The following FSCN1 variants were observed in gnomAD, a reference collection of about 807,000 sequenced individuals.
FSCN1 encodes fascin.
FSCN1 carries 10 observed loss-of-function variants against 39.7 expected under a neutral mutation model. The ratio of observed to expected loss-of-function variants is 0.25; its 90% CI spans 0.16 to 0.43. The LOEUF (loss-of-function observed/expected upper bound fraction) is 0.43, where lower values mean the gene tolerates loss of function less well. Among genes scored for constraint, FSCN1 ranks in the 20% least tolerant of loss-of-function variants. The pLI is 1.00. For missense variants in FSCN1, 525 were observed against 723.8 expected, an observed-to-expected ratio of 0.73 and a Z score of 3.15; for synonymous variants, 322 against 320.0, an observed-to-expected ratio of 1.01 and a Z score of -0.07.
In FSCN1 at chr7:5,603,671, G is replaced by T. The variant is rs1198074738; in HGVS notation, c.1111+54G>T. On this transcript the variant is annotated intron_variant, in intron 3 of 4. Coordinates refer to ENST00000382361, the MANE Select transcript of FSCN1 (RefSeq NM_003088.4). This position sits in a 1 kb window ranked among gnomAD's most constrained non-coding sequence, Gnocchi z 8.5. The stretch of plus-strand genomic sequence containing the variant: ...CCGTCCTGGAGTCCTGGAGGGTCTG[G>T]CCATGCCGTGGTCACTTGGTAGCCC... 12 of 1,610,298 alleles carry T rather than the reference G, an allele frequency of 7.5e-6. No individual in the cohort carries two copies. In the Admixed American group the frequency reaches 2.0e-4, roughly 27 times the overall value.
chr7:5,594,079 G>C, intron 1 of FSCN1: 1 of 244,928 alleles, frequency 4.1e-6, no homozygotes, highest in East Asian at 6.3e-5. Context: ...CTCTCCCCAC[G>C]CGCGCTGATC....
intron 1 of FSCN1, chr7:5,602,803 C>G (rs1004346280): frequency 5.4e-6 from 1 of 186,020 alleles, no homozygotes; most frequent in Admixed American, 5.4e-5. Context: ...CTCAGCGATC[C>G]TCCTGCCTCA....
At position 5,602,985 on chromosome 7, in the gene FSCN1, C is replaced by T. The variant is rs529060697; in HGVS notation, c.833-272C>T. 3.4e-5 allele frequency: 17 copies of T among 503,302 alleles called. No individual in the cohort carries two copies. The South Asian group carries it at 3.7e-4, about 11-fold the overall frequency. 31.2% of individuals were successfully genotyped at this position (503,302 alleles called of 1,614,324 possible). On this transcript the variant is annotated intron_variant, in intron 1 of 4. Coordinates refer to ENST00000382361, the MANE Select transcript of FSCN1 (RefSeq NM_003088.4). ...TTGGCCTCCCAAAGTGTTGCGATCA[C>T]AGGCATGAGCCCCTGTCCCTGGCCC...
intron 1 of FSCN1, among the ~76,000 whole-genome samples, chr7:5,601,841 A>G (rs1047180900): frequency 7.4e-5 from 11 of 147,976 alleles, no homozygotes; most frequent in African/African-American, 2.5e-4. Context: ...CCCTGAATCA[A>G]AAAGAAAGAG....
intron 1 of FSCN1, 191 bp downstream of exon 1, chr7:5,593,959 G>C: frequency 1.8e-6 from 1 of 563,044 alleles, no homozygotes; most frequent in Non-Finnish European, 3.1e-6. Flanking sequence ...CCCATCCTCG[G>C]GTGCCGCTGC....
At position 5,599,010 on chromosome 7, in the gene FSCN1, G is replaced by A. The variant is rs1036506953; in HGVS notation, c.833-4247G>A. Among the ~76,000 whole-genome samples the A allele has an allele frequency of 1.3e-5, 2 of 152,224 alleles. No individual in the cohort carries two copies. The highest frequency in any genetic ancestry group is 2.9e-5 in the Non-Finnish European group (2 of 68,030). On this transcript the variant is annotated intron_variant, in intron 1 of 4. Coordinates refer to ENST00000382361, the MANE Select transcript of FSCN1 (RefSeq NM_003088.4). The surrounding 1 kb of genome is among the most constrained non-coding windows in gnomAD (Gnocchi z 5.6). ...GCAGCCCTGCGGCTTCTGTGCAGTGGGGGTGGGGCGGGCCAGACCTTTGCA... is the reference window on the plus strand; with the variant it reads ...GCAGCCCTGCGGCTTCTGTGCAGTGAGGGTGGGGCGGGCCAGACCTTTGCA...
intron 1 of FSCN1, among the ~76,000 whole-genome samples, chr7:5,602,198 G>GC (rs201416900): frequency 0.14 from 20,909 of 147,924 alleles, 1,470 homozygotes; most frequent in South Asian, 0.17. Context: ...GAGCCACTGT[G>GC]CCTGGCCCCT....
intron 1 of FSCN1, among the ~76,000 whole-genome samples, chr7:5,595,135 C>T (rs1785707839): frequency 1.3e-5 from 2 of 152,248 alleles, no homozygotes; most frequent in East Asian, 3.9e-4. Context: ...GTCCTCATCC[C>T]TCCTCTTGGA....
intron 1 of FSCN1, chr7:5,594,573 G>C (rs1318639301): frequency 6.6e-6 from 1 of 152,030 alleles, no homozygotes; most frequent in East Asian, 1.9e-4. Context: ...CCCTGCAGAG[G>C]AGCCCCCCGC....
At position 5,592,911 on chromosome 7, in the gene FSCN1, G is replaced by A. The variant is rs766377564; in HGVS notation, c.-26G>A. The A allele has an allele frequency of 7.8e-6, 11 of 1,406,126 alleles. No homozygotes were observed. In the Admixed American group the frequency reaches 8.4e-5, roughly 11 times the overall value. The allele number at this position is 1,406,126 out of a possible 1,614,324, so 87.1% of individuals were successfully genotyped here. On this transcript the variant is annotated 5_prime_UTR_variant, in exon 1 of 5. Transcript: ENST00000382361. This position sits in a 1 kb window ranked among gnomAD's most constrained non-coding sequence, Gnocchi z 5.3. ...CCCGCCACCCACCTCCCGGGGCCGC[G>A]CAGCGGCCTCTCGTCTACTGCCACC...
intron 1 of FSCN1, among the ~76,000 whole-genome samples, chr7:5,596,531 C>A (rs1375441245): frequency 3.3e-5 from 5 of 152,186 alleles, no homozygotes; most frequent in African/African-American, 1.2e-4. Flanking sequence ...TCCCTGCTCC[C>A]CAGGATCCAC....
At chr7:5,604,674 G>C (rs1400125232) in intron 4 of FSCN1, among the ~76,000 whole-genome samples, 1 of 142,188 alleles carries the variant, frequency 7.0e-6, no homozygotes, top group Non-Finnish European at 1.5e-5. Flanking sequence ...TTTATTTTGA[G>C]ACCCAGTCTG....
chr7:5,592,902 C>G lies in FSCN1; in HGVS notation c.-35C>G, dbSNP rs983069955. On this transcript the variant is annotated 5_prime_UTR_variant, in exon 1 of 5. Transcript: ENST00000382361. The surrounding 1 kb of genome is among the most constrained non-coding windows in gnomAD (Gnocchi z 5.3). ...CCGCAGGGACCCGCCACCCACCTCC[C>G]GGGGCCGCGCAGCGGCCTCTCGTCT... is the stretch of plus-strand genomic sequence containing the variant. 7 of 1,360,520 alleles carry G rather than the reference C, an allele frequency of 5.1e-6. No homozygotes were observed. The East Asian group carries it at 7.8e-5, about 15-fold the overall frequency. The allele number at this position is 1,360,520 out of a possible 1,614,324, so 84.3% of individuals were successfully genotyped here.
At position 5,593,031 on chromosome 7, in the gene FSCN1, A is replaced by C. The variant is rs757527460; in HGVS notation, c.95A>C (p.Lys32Thr). The change falls in exon 1 of 5, where the codon AAG becomes ACG. Residue 32 changes from lysine to threonine, a missense_variant. Lys to Thr is a moderately conservative substitution (Grantham distance 78, BLOSUM62 -1). Around this residue, in one of 3 missense-constraint regions of FSCN1, gnomAD observed 246 missense variants for 350.6 expected, o/e 0.70. Transcript: ENST00000382361. ...KYLTAEAFGF[K>T]VNASASSLKK... is the part of the protein sequence containing the mutation. ...CTGACGGCCGAGGCGTTCGGGTTCA[A>C]GGTGAACGCGTCCGCCAGCAGCCTG... 2.0e-5 allele frequency: 32 copies of C among 1,598,644 alleles called. No homozygotes were observed. Among genetic ancestry groups the C allele is most frequent in the Non-Finnish European group, 2.7e-5 (32 of 1,173,316 alleles).
Position 5,603,678 on chromosome 7 carries a change from C to A in FSCN1, c.1111+61C>A. Reference sequence around the variant, plus strand: ...GGAGTCCTGGAGGGTCTGGCCATGCCGTGGTCACTTGGTAGCCCCAGCCAA... The same window carrying A: ...GGAGTCCTGGAGGGTCTGGCCATGCAGTGGTCACTTGGTAGCCCCAGCCAA... On this transcript the variant is annotated intron_variant, in intron 3 of 4. Transcript: ENST00000382361. The surrounding 1 kb of genome is among the most constrained non-coding windows in gnomAD (Gnocchi z 8.5). The A allele has an allele frequency of 6.2e-7, 1 of 1,607,310 alleles. No homozygotes were observed. The highest frequency in any genetic ancestry group is 1.1e-5 in the South Asian group (1 of 90,652).
At position 5,593,109 on chromosome 7, in the gene FSCN1, C is replaced by G; in HGVS notation, c.173C>G (p.Ala58Gly). ...CAGCCCCCTGACGAGGCGGGCAGCG[C>G]GGCCGTGTGCCTGCGCAGCCACCTG... ...LEQPPDEAGSAAVCLRSHLGR... is the reference protein window; with the variant it reads ...LEQPPDEAGSGAVCLRSHLGR... Residue 58 changes from alanine to glycine, a missense_variant, in exon 1 of 5, where the codon GCG (alanine) becomes GGG (glycine). Around this residue, in one of 3 missense-constraint regions of FSCN1, gnomAD observed 246 missense variants for 350.6 expected, o/e 0.70. Transcript: ENST00000382361. The G allele has an allele frequency of 6.2e-7, 1 of 1,604,622 alleles. No homozygotes were observed.
chr7:5,593,092 T>A lies in FSCN1; in HGVS notation c.156T>A (p.Pro52=). ...AGATCTGGACGCTGGAGCAGCCCCC[T>A]GACGAGGCGGGCAGCGCGGCCGTGT... ...KKQIWTLEQP[P]DEAGSAAVCL... Residue 52 remains proline, a synonymous_variant, in exon 1 of 5, where the codon CCT becomes CCA. Coordinates refer to ENST00000382361, the MANE Select transcript of FSCN1 (RefSeq NM_003088.4). 6.2e-7 allele frequency: 1 copy of A among 1,605,778 alleles called. No individual in the cohort carries two copies. The highest frequency in any genetic ancestry group is 8.5e-7 in the Non-Finnish European group (1 of 1,177,352).
chr7:5,594,331 C>T (rs928771398), intron 1 of FSCN1, among the ~76,000 whole-genome samples: 75 of 152,020 alleles, frequency 4.9e-4, no homozygotes, highest in Non-Finnish European at 8.7e-4. Flanking sequence ...CCACCTCCTC[C>T]CGCTGCCGGG....
At chr7:5,604,395 G>A (rs1031225448) in intron 4 of FSCN1, among the ~76,000 whole-genome samples, 45 of 152,060 alleles carry the variant, frequency 3.0e-4, no homozygotes, top group African/African-American at 9.4e-4. Flanking sequence ...GGGAGGACGC[G>A]CCTCGGTTAT....
Sources: gnomAD v4.1 joint callset for allele counts (sites outside exome capture counted in the v4.1 genomes callset) on GRCh38, gnomAD v4.1.1 for gene constraint, gnomAD v4.1.1 regional missense constraint, Gnocchi (gnomAD v3.1) non-coding constraint, MANE v1.5 for transcripts, NCBI Gene and HGNC (gene_info 2026-07-23, HGNC 2026-07-21) for gene names.